ZNF649: variants seen among roughly 807,000 people sequenced by gnomAD.
ZNF649 encodes zinc finger protein 649.
A neutral mutation model predicts 14.1 loss-of-function variants in ZNF649; 7 were observed. The observed-to-expected ratio is 0.49, with a 90% CI of 0.28 to 0.93. ZNF649 has a LOEUF of 0.93. Among genes scored for constraint, ZNF649 ranks in the 40% least tolerant of loss-of-function variants. ZNF649 has a pLI of 0.10. For missense variants in ZNF649, 544 were observed against 608.1 expected, an observed-to-expected ratio of 0.89 and a Z score of 1.11; for synonymous variants, 227 against 212.3, an observed-to-expected ratio of 1.07 and a Z score of -0.60.
Position 51,897,169 on chromosome 19 carries a change from G to A in ZNF649, c.16-191C>T, listed in dbSNP as rs188853020. 9.2e-4 allele frequency: 617 copies of A among 672,280 alleles called. 2 individuals are homozygous for A. Among genetic ancestry groups the A allele is most frequent in the Non-Finnish European group, 1.2e-3 (500 of 402,296 alleles). 41.6% of individuals were successfully genotyped at this position (672,280 alleles called of 1,614,324 possible). On this transcript the variant is annotated intron_variant, in intron 2 of 4. Coordinates refer to ENST00000354957, the MANE Select transcript of ZNF649 (RefSeq NM_023074.4). The stretch of plus-strand genomic sequence containing the variant: ...ACTCATGACCTACAGTTGGCCTAGT[G>A]GAATCTGCTTATGTTACTCTGTATA...
At chr19:51,893,112 C>A (rs2085035548) in intron 4 of ZNF649, among the ~76,000 whole-genome samples, 1 of 152,184 alleles carries the variant, frequency 6.6e-6, no homozygotes, top group Non-Finnish European at 1.5e-5. Flanking sequence ...TATCCTTCTC[C>A]TGATAAACAC....
rs762276255 is a variant in ZNF649 at position 51,891,342 on chromosome 19, C to G, written c.794G>C (p.Ser265Thr). Residue 265 changes from serine to threonine, a missense_variant, in exon 5 of 5, where the codon AGT becomes ACT. Physicochemically the swap from Ser to Thr is moderately conservative, Grantham distance 58. Coordinates refer to ENST00000354957, the MANE Select transcript of ZNF649 (RefSeq NM_023074.4). The surrounding 1 kb of genome is among the most constrained non-coding windows in gnomAD (Gnocchi z 4.2). ...CCTGGGGAAGGCTTTCCCACATTCACTGCACCCGTATGGTTTCTCTCCTTT... is the reference window on the plus strand; with the variant it reads ...CCTGGGGAAGGCTTTCCCACATTCAGTGCACCCGTATGGTTTCTCTCCTTT... ...AHKGEKPYGC[S>T]ECGKAFPRKS... 6.8e-6 allele frequency: 11 copies of G among 1,614,230 alleles called. No individual in the cohort carries two copies. In the African/African-American group the frequency reaches 1.2e-4, roughly 18 times the overall value.
Position 51,890,598 on chromosome 19 carries a change from A to G in ZNF649, c.*20T>C. On this transcript the variant is annotated 3_prime_UTR_variant, in exon 5 of 5. Transcript: ENST00000354957. ...TCAGCATTCCGCTGGAGGCTATATG[A>G]TCAAACAGCAAACTGTTTATCATGA... The G allele has an allele frequency of 4.5e-6, 7 of 1,544,770 alleles. No homozygotes were observed. Among genetic ancestry groups the G allele is most frequent in the Non-Finnish European group, 6.2e-6 (7 of 1,125,176 alleles).
intron 4 of ZNF649, among the ~76,000 whole-genome samples, chr19:51,895,731 T>C (rs75647161): frequency 0.21 from 31,115 of 151,456 alleles, 3,803 homozygotes; most frequent in South Asian, 0.38. Flanking sequence ...CTTATATAAA[T>C]GTATATATAC....
chr19:51,892,916 T>TTTTTGTTTTG (rs563687810), intron 4 of ZNF649, among the ~76,000 whole-genome samples: 7 of 152,266 alleles, frequency 4.6e-5, no homozygotes, highest in African/African-American at 1.7e-4. Flanking sequence ...CCACGAGTGT[T>TTTTTGTTTTG]TTTTGTTTTG....
rs891220838 is a variant in ZNF649, at chr19:51,889,885, C to T, written c.*733G>A. 3 of 152,280 alleles carry T rather than the reference C, an allele frequency of 2.0e-5. No homozygotes were observed. In the East Asian group the frequency reaches 5.8e-4, roughly 29 times the overall value. The allele number at this position is 152,280 out of a possible 1,614,324, so 9.4% of individuals were successfully genotyped here. On this transcript the variant is annotated 3_prime_UTR_variant, in exon 5 of 5. Coordinates refer to ENST00000354957, the MANE Select transcript of ZNF649 (RefSeq NM_023074.4). ...TAAGTTAGTAATTTAAACCTAAAAA[C>T]ATCAATACATTGAACGTAAATGATC...
intron 4 of ZNF649, among the ~76,000 whole-genome samples, chr19:51,893,006 C>G (rs559677382): frequency 2.6e-5 from 4 of 152,102 alleles, no homozygotes; most frequent in African/African-American, 9.7e-5. Flanking sequence ...TTGCAGCTCC[C>G]GGACCACCAG....
At chr19:51,897,241 G>T in intron 2 of ZNF649, 1 of 369,284 alleles carries the variant, frequency 2.7e-6, no homozygotes, top group South Asian at 3.2e-5. Flanking sequence ...TTCAAGTTTG[G>T]ATATAAGTGG....
chr19:51,893,469 G>T (rs561373081), intron 4 of ZNF649, among the ~76,000 whole-genome samples: 82 of 151,948 alleles, frequency 5.4e-4, no homozygotes, highest in Middle Eastern at 3.4e-3. Flanking sequence ...ATCATCTTTT[G>T]TTAGAATATA....
chr19:51,896,482 T>C lies in ZNF649; in HGVS notation c.228A>G (p.Pro76=). 1 of 1,614,106 alleles carries C rather than the reference T, an allele frequency of 6.2e-7. No homozygotes were observed. The highest frequency in any genetic ancestry group is 8.5e-7 in the Non-Finnish European group (1 of 1,179,980). The change falls in exon 4 of 5, where the codon CCA becomes CCG. Residue 76 remains proline (P), a synonymous_variant. Transcript: ENST00000354957. ...TTCTCTCTCACTTACCTGGGTGGGC[T>C]GGACTGTGGATTTCATCTTCTAGTG... ...LWTLEDEIHS[P]AHPEIEKADD... is the part of the protein sequence containing the mutation.
intron 2 of ZNF649, 122 bp from the exon 3 acceptor site, chr19:51,897,100 A>C: frequency 7.1e-7 from 1 of 1,402,526 alleles, no homozygotes; most frequent in African/African-American, 1.4e-5. Context: ...GGTATACTCA[A>C]TGGAATGGTT....
chr19:51,901,944 CTG>C (rs1344774735), intron 1 of ZNF649, among the ~76,000 whole-genome samples: 43 of 112,044 alleles, frequency 3.8e-4, no homozygotes, highest in African/African-American at 1.6e-3. Flanking sequence ...AAGTGAGACT[CTG>C]TATCAAAAAA....
intron 3 of ZNF649, 67 bp downstream of exon 3, chr19:51,896,779 AGCTTCC>A: frequency 1.2e-6 from 2 of 1,613,996 alleles, no homozygotes; most frequent in Non-Finnish European, 1.7e-6. Context: ...GACATACCAA[AGCTTCC>A]AGAAGCTGAG....
Position 51,890,221 on chromosome 19 carries a change from A to C in ZNF649, c.*397T>G, listed in dbSNP as rs1208987977. The stretch of plus-strand genomic sequence containing the variant: ...TATAAAAAATGAAATAATGAAGGGT[A>C]AAATAATAAAAAGCATGAACATCAT... On this transcript the variant is annotated 3_prime_UTR_variant, in exon 5 of 5. Transcript: ENST00000354957. The C allele has an allele frequency of 6.2e-6, 1 of 162,216 alleles. No individual in the cohort carries two copies. 10.0% of individuals were successfully genotyped at this position (162,216 alleles called of 1,614,324 possible).
chr19:51,899,267 G>A (rs570931349), intron 2 of ZNF649, among the ~76,000 whole-genome samples: 2 of 152,204 alleles, frequency 1.3e-5, no homozygotes, highest in South Asian at 4.1e-4. Flanking sequence ...AGAGGTGAGA[G>A]GTTAATAACT....
rs1208987977 is a variant in ZNF649, at chr19:51,890,221, A to G, written c.*397T>C. The G allele has an allele frequency of 6.2e-6, 1 of 162,216 alleles. No homozygotes were observed. The highest frequency in any genetic ancestry group is 5.9e-5 in the Admixed American group (1 of 17,030). The allele number at this position is 162,216 out of a possible 1,614,324, so 10.0% of individuals were successfully genotyped here. A position where few individuals can be genotyped will look rare whatever the true frequency, so the allele number is the denominator to read the frequency against. ...TATAAAAAATGAAATAATGAAGGGT[A>G]AAATAATAAAAAGCATGAACATCAT... On this transcript the variant is annotated 3_prime_UTR_variant, in exon 5 of 5. Coordinates refer to ENST00000354957, the MANE Select transcript of ZNF649 (RefSeq NM_023074.4).
Position 51,890,778 on chromosome 19 carries a change from G to A in ZNF649, c.1358C>T (p.Ser453Leu). The A allele has an allele frequency of 6.2e-7, 1 of 1,614,198 alleles. No homozygotes were observed. Residue 453 changes from serine (S) to leucine (L), a missense_variant, in exon 5 of 5, where the codon TCA becomes TTA. Ser to Leu is a moderately radical substitution (Grantham distance 145, BLOSUM62 -2). Coordinates refer to ENST00000354957, the MANE Select transcript of ZNF649 (RefSeq NM_023074.4). ...SCLVKHKRIH[S>L]REKRGDSVKV... ...CACTGAATCCCCCCGTTTCTCCCTT[G>A]AGTGTATTCTCTTATGTTTAACAAG...
At chr19:51,895,712 CCTCT>C (rs1167481839) in intron 4 of ZNF649, among the ~76,000 whole-genome samples, 2 of 151,756 alleles carry the variant, frequency 1.3e-5, no homozygotes, top group South Asian at 4.2e-4. Context: ...ACTCTTTCTC[CCTCT>C]CTCTCTTATA....
intron 1 of ZNF649, among the ~76,000 whole-genome samples, 173 bp downstream of exon 1, chr19:51,904,741 A>G (rs2085113762): frequency 6.6e-6 from 1 of 152,084 alleles, no homozygotes; most frequent in Non-Finnish European, 1.5e-5. Context: ...GCCGAGTCTC[A>G]GTCGCTGAAC....
Sources: gnomAD v4.1 joint callset for allele counts (sites outside exome capture counted in the v4.1 genomes callset) on GRCh38, gnomAD v4.1.1 for gene constraint, Gnocchi (gnomAD v3.1) non-coding constraint, MANE v1.5 for transcripts, NCBI Gene and HGNC (gene_info 2026-07-23, HGNC 2026-07-21) for gene names.